CORO7: variants seen among roughly 807,000 people sequenced by gnomAD.
CORO7 encodes the protein coronin 7, also known as coronin-7.
In CORO7, 107 loss-of-function variants were observed where a neutral mutation model predicts 126.6. The observed-to-expected ratio is 0.85, with a 90% CI of 0.72 to 0.99. The LOEUF is 0.99. Ranked by LOEUF, CORO7 falls within the 50% of genes least tolerant of loss-of-function variation. CORO7 has a pLI of 0.00. For missense variants in CORO7, 1,314 were observed against 1,255.8 expected, an observed-to-expected ratio of 1.05 and a Z score of -0.70; for synonymous variants, 603 against 536.8, an observed-to-expected ratio of 1.12 and a Z score of -1.70.
intron 16 of CORO7, 36 bp downstream of exon 16, chr16:4,361,949 A>C: frequency 6.4e-7 from 1 of 1,573,362 alleles, no homozygotes; most frequent in South Asian, 1.1e-5. Context: ...ACAGGCAGGG[A>C]ACTGAGGGGC....
intron 9 of CORO7, among the ~76,000 whole-genome samples, chr16:4,378,626 T>C (rs891524105): frequency 2.0e-5 from 3 of 151,986 alleles, no homozygotes; most frequent in Non-Finnish European, 4.4e-5. Context: ...CGAGCCCCCC[T>C]GGGGTGGGCT....
chr16:4,402,795 G>C (rs2055859376), intron 6 of CORO7, among the ~76,000 whole-genome samples: 1 of 152,230 alleles, frequency 6.6e-6, no homozygotes, highest in Admixed American at 6.5e-5. Flanking sequence ...CATGCCGGGA[G>C]TCAGGAGCGC....
chr16:4,381,272 G>T, intron 9 of CORO7: 1 of 1,611,722 alleles, frequency 6.2e-7, no homozygotes, highest in Non-Finnish European at 8.5e-7. Context: ...CTCTACCTGG[G>T]CAAGAACCGC....
intron 9 of CORO7, chr16:4,381,202 G>T: frequency 6.2e-7 from 1 of 1,611,978 alleles, no homozygotes; most frequent in Non-Finnish European, 8.5e-7. Flanking sequence ...GGACCTGACA[G>T]CCAACAGGCT....
chr16:4,404,748 A>G (rs113716188), intron 6 of CORO7, among the ~76,000 whole-genome samples: 3 of 151,706 alleles, frequency 2.0e-5, no homozygotes, highest in East Asian at 3.9e-4. Context: ...CCTCCTCCCA[A>G]AGGTCTCCGC....
rs1199389955 is a variant in CORO7 at position 4,355,114 on chromosome 16, AG to A, written c.*43del. 1.4e-6 allele frequency: 2 copies of A among 1,479,218 alleles called. No individual in the cohort carries two copies. The highest frequency in any genetic ancestry group is 4.8e-5 in the Admixed American group (2 of 41,396). 91.6% of individuals were successfully genotyped at this position (1,479,218 alleles called of 1,614,324 possible). A position where few individuals can be genotyped will look rare whatever the true frequency, so the allele number is the denominator to read the frequency against. On this transcript the variant is annotated 3_prime_UTR_variant, in exon 28 of 28. Transcript: ENST00000251166. The stretch of plus-strand genomic sequence containing the variant: ...GAGGATGAGCCGTGAGGTGTGCACT[AG>A]GAAGTGGCAGCACAGGTGAGGTGGA...
At chr16:4,410,760 G>A (rs1053304385) in intron 3 of CORO7, among the ~76,000 whole-genome samples, 8 of 152,274 alleles carry the variant, frequency 5.3e-5, no homozygotes, top group South Asian at 2.1e-4. Flanking sequence ...AGGGCAAGGC[G>A]GTAAATATTC....
intron 1 of CORO7, chr16:4,416,003 G>C (rs1303341437): frequency 5.9e-6 from 3 of 512,302 alleles, no homozygotes; most frequent in African/African-American, 2.1e-5. Flanking sequence ...ACTTGGGCTC[G>C]CCGGGGCCAG....
intron 6 of CORO7, among the ~76,000 whole-genome samples, chr16:4,404,573 G>A (rs940720331): frequency 6.6e-6 from 1 of 152,192 alleles, no homozygotes; most frequent in Non-Finnish European, 1.5e-5. Context: ...CGGCAGCTCA[G>A]CAAGGCTGCA....
At chr16:4,364,238 T>C (rs542088889) in intron 14 of CORO7, 38 bp downstream of exon 14, 2 of 1,494,974 alleles carry the variant, frequency 1.3e-6, no homozygotes, top group Admixed American at 2.5e-5. Flanking sequence ...GCCACTGCAG[T>C]GTCGCTGAGG....
At chr16:4,377,927 A>T (rs895829070) in intron 9 of CORO7, among the ~76,000 whole-genome samples, 22 of 152,196 alleles carry the variant, frequency 1.4e-4, no homozygotes, top group Non-Finnish European at 2.9e-5. Context: ...GCTAACAGGA[A>T]CGCACATTCC....
chr16:4,360,243 C>G, intron 21 of CORO7, 35 bp downstream of exon 21: 1 of 1,612,938 alleles, frequency 6.2e-7, no homozygotes, highest in Non-Finnish European at 8.5e-7. Flanking sequence ...CAGGTGGCTT[C>G]TGAAGCCTGG....
intron 3 of CORO7, among the ~76,000 whole-genome samples, chr16:4,408,638 C>G (rs548606476): frequency 6.6e-6 from 1 of 152,176 alleles, no homozygotes; most frequent in Non-Finnish European, 1.5e-5. Context: ...TTAAGCAAGC[C>G]GGAGTTGGCT....
At chr16:4,394,439 A>C (rs1596322227) in intron 7 of CORO7, among the ~76,000 whole-genome samples, 2 of 139,554 alleles carry the variant, frequency 1.4e-5, no homozygotes, top group Admixed American at 7.5e-5. Flanking sequence ...ACAGAGCGAG[A>C]CTCCGTCTCA....
chr16:4,398,237 A>C (rs554560369), intron 6 of CORO7, among the ~76,000 whole-genome samples: 1 of 152,174 alleles, frequency 6.6e-6, no homozygotes, highest in African/African-American at 2.4e-5. Flanking sequence ...ACATTTTAAA[A>C]ATATATATAT....
intron 3 of CORO7, 44 bp downstream of exon 3, chr16:4,412,312 G>A (rs778374344): frequency 4.4e-6 from 7 of 1,606,032 alleles, no homozygotes; most frequent in African/African-American, 4.0e-5. Flanking sequence ...TGGAGAGGGA[G>A]GTGCAAGTTT....
At chr16:4,371,849 A>C (rs1008959599) in intron 9 of CORO7, 8 of 151,344 alleles carry the variant, frequency 5.3e-5, no homozygotes, top group African/African-American at 1.9e-4. Context: ...CAGCGAGCCG[A>C]CTCCGGAGCC....
At chr16:4,364,129 T>A (rs958203736) in intron 14 of CORO7, 147 bp downstream of exon 14, 1 of 1,142,232 alleles carries the variant, frequency 8.8e-7, no homozygotes, top group African/African-American at 1.6e-5. Context: ...GAGGTTGCAG[T>A]GAGCCGAGGT....
intron 25 of CORO7, chr16:4,357,634 G>T (rs1174835664): frequency 1.1e-5 from 4 of 361,224 alleles, no homozygotes; most frequent in Non-Finnish European, 2.0e-5. Flanking sequence ...GGGATTACAG[G>T]CATGAGCCAC....
Sources: gnomAD v4.1 joint callset for allele counts (sites outside exome capture counted in the v4.1 genomes callset) on GRCh38, gnomAD v4.1.1 for gene constraint, MANE v1.5 for transcripts, NCBI Gene and HGNC (gene_info 2026-07-23, HGNC 2026-07-21) for gene names.